The following TRIM13 variants were observed in gnomAD, a reference collection of about 807,000 sequenced individuals.
TRIM13 encodes the protein tripartite motif containing 13, also known as E3 ubiquitin-protein ligase TRIM13.
A neutral mutation model predicts 27.1 loss-of-function variants in TRIM13; 15 were observed. That is an observed-to-expected ratio of 0.55 (90% CI 0.37 to 0.85). The LOEUF is 0.85. Ranked by LOEUF, TRIM13 falls within the 40% of genes least tolerant of loss-of-function variation. The probability of loss-of-function intolerance (pLI) is 0.00; values close to 1 mark genes in which losing one functional copy is unlikely to be tolerated. For synonymous variants in TRIM13, 193 were observed against 171.5 expected, an observed-to-expected ratio of 1.13 and a Z score of -0.98; for missense variants, 402 against 472.2, an observed-to-expected ratio of 0.85 and a Z score of 1.38.
chr13:49,999,081 TCCC>T, intron 1 of TRIM13, among the ~76,000 whole-genome samples: 2 of 34,566 alleles, frequency 5.8e-5, no homozygotes, highest in Non-Finnish European at 4.3e-4. Context: ...GGTTTCTCAC[TCCC>T]TTTTCCTTGT....
chr13:50,012,751 A>G lies in TRIM13; in HGVS notation c.811A>G (p.Asn271Asp), dbSNP rs199783555. 1.9e-6 allele frequency: 3 copies of G among 1,614,068 alleles called. No homozygotes were observed. Among genetic ancestry groups the G allele is most frequent in the South Asian group, 2.2e-5 (2 of 91,084 alleles). ...CAAGGAAACTCCTTTACCTCCCTCT[A>G]ATTTGCCTGCAAGCCCTTTAATGAA... ...VIKETPLPPS[N>D]LPASPLMKNF... Residue 271 changes from asparagine to aspartate, a missense_variant, in exon 2 of 2, where the codon AAT (asparagine) becomes GAT (aspartate). By Grantham distance (23) the Asn-to-Asp change is conservative. Coordinates refer to ENST00000378182, the MANE Select transcript of TRIM13 (RefSeq NM_213590.3).
At position 50,016,267 on chromosome 13, in the gene TRIM13, A is replaced by G. The variant is rs1280441218; in HGVS notation, c.*3103A>G. The G allele has an allele frequency of 7.4e-6, 4 of 543,860 alleles. No homozygotes were observed. Among genetic ancestry groups the G allele is most frequent in the Non-Finnish European group, 6.7e-6 (2 of 300,370 alleles). The allele number at this position is 543,860 out of a possible 1,614,324, so 33.7% of individuals were successfully genotyped here. On this transcript the variant is annotated 3_prime_UTR_variant, in exon 2 of 2. Coordinates refer to ENST00000378182, the MANE Select transcript of TRIM13 (RefSeq NM_213590.3). ...GATACTTTTTAGAGTGAAAGGGGCT[A>G]TTATTAGGTGGGACAAAAGGAATAA...
chr13:50,007,914 T>C (rs1008265938), intron 1 of TRIM13, among the ~76,000 whole-genome samples: 3 of 152,074 alleles, frequency 2.0e-5, no homozygotes, highest in Admixed American at 6.6e-5. Context: ...TATTCGCTTT[T>C]TTTTTTTTGA....
At chr13:50,005,302 C>A (rs1029716137) in intron 1 of TRIM13, among the ~76,000 whole-genome samples, 1 of 151,992 alleles carries the variant, frequency 6.6e-6, no homozygotes, top group African/African-American at 2.4e-5. Flanking sequence ...AGATGTCTAC[C>A]ATGGTTTCTT....
intron 1 of TRIM13, among the ~76,000 whole-genome samples, chr13:50,002,656 ATCTC>A (rs920707018): frequency 6.0e-5 from 9 of 150,970 alleles, no homozygotes; most frequent in African/African-American, 1.5e-4. Context: ...TTATTAATGG[ATCTC>A]TCTTTTTTTT....
chr13:49,997,838 A>G (rs945488939), intron 1 of TRIM13, 75 bp downstream of exon 1: 4 of 152,096 alleles, frequency 2.6e-5, no homozygotes, highest in African/African-American at 9.7e-5. Context: ...GAACCTTCCA[A>G]AATGGAACTG....
At position 50,016,111 on chromosome 13, in the gene TRIM13, T is replaced by TTTAGAGAAAACATCACAAACTG; in HGVS notation, c.*2947_*2948insTTAGAGAAAACATCACAAACTG. 6.9e-7 allele frequency: 1 copy of TTTAGAGAAAACATCACAAACTG among 1,441,912 alleles called. No individual in the cohort carries two copies. Among genetic ancestry groups the TTTAGAGAAAACATCACAAACTG allele is most frequent in the Non-Finnish European group, 9.6e-7 (1 of 1,039,322 alleles). 89.3% of individuals were successfully genotyped at this position (1,441,912 alleles called of 1,614,324 possible). On this transcript the variant is annotated 3_prime_UTR_variant, in exon 2 of 2. Transcript: ENST00000378182. ...GCAGTATTTCTCTTGTATACCAGTTTGTGATGTTTTCTCTAAAAACTTGAA... is the reference window on the plus strand; with the variant it reads ...GCAGTATTTCTCTTGTATACCAGTTTTTAGAGAAAACATCACAAACTGGTGATGTTTTCTCTAAAAACTTGAA...
intron 1 of TRIM13, among the ~76,000 whole-genome samples, 156 bp from the exon 2 acceptor site, chr13:50,011,779 T>G (rs1875679070): frequency 6.6e-6 from 1 of 152,230 alleles, no homozygotes. Context: ...TAAATTTGCT[T>G]TGGTGTGCAT....
intron 1 of TRIM13, among the ~76,000 whole-genome samples, chr13:50,011,451 T>C (rs1875631821): frequency 1.3e-5 from 2 of 152,242 alleles, no homozygotes; most frequent in African/African-American, 2.4e-5. Context: ...AACAAAAATA[T>C]GCCAATTCAT....
chr13:50,012,640 A>C lies in TRIM13; in HGVS notation c.700A>C (p.Asn234His). 1 of 1,614,138 alleles carries C rather than the reference A, an allele frequency of 6.2e-7. No individual in the cohort carries two copies. Among genetic ancestry groups the C allele is most frequent in the Middle Eastern group, 1.6e-4 (1 of 6,062 alleles). Reference sequence around the variant, plus strand: ...CTTGCAGGAGCAACGGATGGCCTTTAACATTGCTGAGGCTTTCAAAGATGT... The same window carrying C: ...CTTGCAGGAGCAACGGATGGCCTTTCACATTGCTGAGGCTTTCAAAGATGT... ...TILQEQRMAF[N>H]IAEAFKDVSE... Residue 234 changes from asparagine (N) to histidine (H), a missense_variant, in exon 2 of 2, where the codon AAC (asparagine) becomes CAC (histidine). Around this residue, in one of 2 missense-constraint regions of TRIM13, gnomAD observed 200 missense variants for 194.7 expected, o/e 1.03. Transcript: ENST00000378182.
At chr13:50,009,736 C>CA (rs35561642) in intron 1 of TRIM13, among the ~76,000 whole-genome samples, 6,289 of 100,660 alleles carry the variant, frequency 0.062, 246 homozygotes, top group South Asian at 0.11. Context: ...GACTCCGTCT[C>CA]AAAAAAAAAA....
Position 50,013,251 on chromosome 13 carries a change from C to A in TRIM13, c.*87C>A. On this transcript the variant is annotated 3_prime_UTR_variant, in exon 2 of 2. Transcript: ENST00000378182. ...TTCAGATTTGGTCAACGATTCTAGT[C>A]ACATATTTTCCTCCAAAAGTATTCC... 1 of 1,298,330 alleles carries A rather than the reference C, an allele frequency of 7.7e-7. No homozygotes were observed. The allele number at this position is 1,298,330 out of a possible 1,614,324, so 80.4% of individuals were successfully genotyped here.
At chr13:50,006,597 G>C (rs990565998) in intron 1 of TRIM13, among the ~76,000 whole-genome samples, 1 of 152,048 alleles carries the variant, frequency 6.6e-6, no homozygotes, top group African/African-American at 2.4e-5. Context: ...AGCAGGACTG[G>C]GGTTGGCAGA....
Position 50,013,298 on chromosome 13 carries a change from G to A in TRIM13, c.*134G>A. 4.3e-6 allele frequency: 4 copies of A among 921,058 alleles called. No individual in the cohort carries two copies. The highest frequency in any genetic ancestry group is 6.2e-6 in the Non-Finnish European group (4 of 641,436). The allele number at this position is 921,058 out of a possible 1,614,324, so 57.1% of individuals were successfully genotyped here. A position where few individuals can be genotyped will look rare whatever the true frequency, so the allele number is the denominator to read the frequency against. On this transcript the variant is annotated 3_prime_UTR_variant, in exon 2 of 2. Transcript: ENST00000378182. ...TTCCTTCCAAAAATAATCTATACAT[G>A]TTCAAATTAGGTAGCATAAAGATAA...
At chr13:50,006,949 G>A (rs1208974271) in intron 1 of TRIM13, among the ~76,000 whole-genome samples, 1 of 151,960 alleles carries the variant, frequency 6.6e-6, no homozygotes, top group Non-Finnish European at 1.5e-5. Flanking sequence ...GGGAGGCTGA[G>A]GTGGGCGGAT....
rs1386906314 is a variant in TRIM13, at chr13:50,012,990, T to C, written c.1050T>C (p.Cys350=). 1 of 1,613,900 alleles carries C rather than the reference T, an allele frequency of 6.2e-7. No homozygotes were observed. The highest frequency in any genetic ancestry group is 8.5e-7 in the Non-Finnish European group (1 of 1,179,896). ...ATGACCTGGCAACTTGGAAAGGCTGTCTTTCAAACTTCAGTTCCTATCTGA... is the reference window on the plus strand; with the variant it reads ...ATGACCTGGCAACTTGGAAAGGCTGCCTTTCAAACTTCAGTTCCTATCTGA... ...LFDDLATWKG[C]LSNFSSYLTK... Residue 350 remains cysteine (C), a synonymous_variant, in exon 2 of 2, where the codon TGT becomes TGC. Transcript: ENST00000378182.
At chr13:50,008,366 T>C (rs1217523680) in intron 1 of TRIM13, among the ~76,000 whole-genome samples, 1 of 152,192 alleles carries the variant, frequency 6.6e-6, no homozygotes, top group Non-Finnish European at 1.5e-5. Context: ...GATGAATGTA[T>C]ATTTAAAATA....
chr13:50,001,567 ATT>A (rs1874047462), intron 1 of TRIM13, among the ~76,000 whole-genome samples: 1 of 152,190 alleles, frequency 6.6e-6, no homozygotes, highest in East Asian at 1.9e-4. Flanking sequence ...ACTACTGTTT[ATT>A]CTAGGATAAT....
rs1876310749 is a variant in TRIM13, at chr13:50,015,095, ATATATATATATATATAT to A, written c.*1932_*1948del. The A allele has an allele frequency of 6.0e-5, 1 of 16,706 alleles. No individual in the cohort carries two copies. Among genetic ancestry groups the A allele is most frequent in the African/African-American group, 3.2e-4 (1 of 3,088 alleles). The allele number at this position is 16,706 out of a possible 1,614,324, so 1.0% of individuals were successfully genotyped here. A position where few individuals can be genotyped will look rare whatever the true frequency, so the allele number is the denominator to read the frequency against. On this transcript the variant is annotated 3_prime_UTR_variant, in exon 2 of 2. Coordinates refer to ENST00000378182, the MANE Select transcript of TRIM13 (RefSeq NM_213590.3). ...AGTAATAAAAAAAAAAAAAAAAAAA[ATATATATATATATATAT>A]ATATATATATATATATATATATATA...
Sources: gnomAD v4.1 joint callset for allele counts (sites outside exome capture counted in the v4.1 genomes callset) on GRCh38, gnomAD v4.1.1 for gene constraint, gnomAD v4.1.1 regional missense constraint, MANE v1.5 for transcripts, NCBI Gene and HGNC (gene_info 2026-07-23, HGNC 2026-07-21) for gene names.